The following EFNA5 variants were observed in gnomAD, a reference collection of about 807,000 sequenced individuals.
EFNA5 encodes ephrin-A5.
Under a neutral mutation model 22.9 loss-of-function variants are expected in EFNA5, and 5 were observed. The ratio of observed to expected loss-of-function variants is 0.22; its 90% confidence interval spans 0.11 to 0.46. The LOEUF (loss-of-function observed/expected upper bound fraction) is 0.46. Among genes scored for constraint, EFNA5 ranks in the 20% least tolerant of loss-of-function variants. The pLI, the probability that EFNA5 is intolerant of heterozygous loss-of-function variation, is 0.99. For synonymous variants in EFNA5, 113 were observed against 112.2 expected (o/e 1.01, Z -0.04); for missense variants, 237 against 293.3 (o/e 0.81, Z 1.40).
chr5:107,631,450 T>G (rs549213228), intron 1 of EFNA5, among the ~76,000 whole-genome samples: 38 of 152,084 alleles, frequency 2.5e-4, no homozygotes, highest in Non-Finnish European at 4.6e-4. Context: ...AAATTTTGCC[T>G]ATGGTAAAAC....
intron 1 of EFNA5, among the ~76,000 whole-genome samples, chr5:107,560,819 G>T (rs368160958): frequency 6.6e-6 from 1 of 152,198 alleles, no homozygotes. Flanking sequence ...ATGGAGTGAG[G>T]CTCCCTGAGA....
At chr5:107,617,965 C>T (rs1231816808) in intron 1 of EFNA5, among the ~76,000 whole-genome samples, 2 of 151,924 alleles carry the variant, frequency 1.3e-5, no homozygotes, top group African/African-American at 2.4e-5. Flanking sequence ...GCACAGGAGA[C>T]CATCCTGGAC....
At chr5:107,424,924 T>C (rs916847683) in intron 2 of EFNA5, among the ~76,000 whole-genome samples, 2 of 152,138 alleles carry the variant, frequency 1.3e-5, no homozygotes, top group African/African-American at 4.8e-5. Flanking sequence ...AAAATTCAAT[T>C]TAACTGAACA....
chr5:107,400,800 T>G (rs907390267), intron 2 of EFNA5, among the ~76,000 whole-genome samples: 1 of 152,210 alleles, frequency 6.6e-6, no homozygotes, highest in Middle Eastern at 3.2e-3. Context: ...TGTTTTTCAC[T>G]CTCTGTGAAT....
At chr5:107,547,545 A>C (rs1748191339) in intron 1 of EFNA5, among the ~76,000 whole-genome samples, 1 of 151,698 alleles carries the variant, frequency 6.6e-6, no homozygotes, top group African/African-American at 2.4e-5. Flanking sequence ...AAAAAAATAC[A>C]AGCCTACTTC....
Position 107,380,872 on chromosome 5 carries a change from A to T in EFNA5, c.*383T>A. 1 of 409,070 alleles carries T rather than the reference A, an allele frequency of 2.4e-6. No individual in the cohort carries two copies. Among genetic ancestry groups the T allele is most frequent in the Non-Finnish European group, 4.3e-6 (1 of 231,648 alleles). The allele number at this position is 409,070 out of a possible 1,614,324, so 25.3% of individuals were successfully genotyped here. ...CTAGCCAGCGCTGGCTGCATCTGCC[A>T]CTATTCTTCCTTGTCCATAGCCCGC... On this transcript the variant is annotated 3_prime_UTR_variant, in exon 5 of 5. Coordinates refer to ENST00000333274, the MANE Select transcript of EFNA5 (RefSeq NM_001962.3).
At chr5:107,509,590 C>A (rs1747323392) in intron 1 of EFNA5, among the ~76,000 whole-genome samples, 1 of 151,674 alleles carries the variant, frequency 6.6e-6, no homozygotes, top group Admixed American at 6.6e-5. Context: ...CTTGGCCTCC[C>A]AAAGTGCTGG....
In EFNA5 at chr5:107,591,421, C is replaced by T. The variant is rs142453080; in HGVS notation, c.125+79068G>A. ...CAGTCCCCACCTCTCCCTATTCTTT[C>T]CACAGCATCCTATTTTCTTCCTTTG... On this transcript the variant is annotated intron_variant, in intron 1 of 4. Transcript: ENST00000333274. 2.3e-3 allele frequency among the ~76,000 whole-genome samples: 357 copies of T among 152,230 alleles called. 2 individuals carry two copies. Among genetic ancestry groups the T allele is most frequent in the African/African-American group, 8.2e-3 (342 of 41,562 alleles).
chr5:107,525,270 G>A (rs1273469131), intron 1 of EFNA5, among the ~76,000 whole-genome samples: 1 of 152,172 alleles, frequency 6.6e-6, no homozygotes, highest in Non-Finnish European at 1.5e-5. Flanking sequence ...TTGGCACACA[G>A]TGTATATAGA....
chr5:107,420,517 G>C (rs1400664317), intron 2 of EFNA5, among the ~76,000 whole-genome samples: 4 of 105,740 alleles, frequency 3.8e-5, no homozygotes, highest in African/African-American at 1.1e-4. Context: ...CAGAGTCTGT[G>C]CTTTTAAAAA....
rs1206201010 is a variant in EFNA5 at position 107,573,676 on chromosome 5, G to A, written c.125+96813C>T. Reference sequence around the variant, plus strand: ...TTGCACTATGGATGTCTATCCCAGGGAATAACATGATTACGTGGGTTTCCA... The same window carrying A: ...TTGCACTATGGATGTCTATCCCAGGAAATAACATGATTACGTGGGTTTCCA... On this transcript the variant is annotated intron_variant, in intron 1 of 4. Transcript: ENST00000333274. 2.6e-5 allele frequency among the ~76,000 whole-genome samples: 4 copies of A among 152,212 alleles called. No homozygotes were observed. In the East Asian group the frequency reaches 5.8e-4, roughly 22 times the overall value.
intron 1 of EFNA5, among the ~76,000 whole-genome samples, chr5:107,623,313 C>A (rs1750078207): frequency 6.6e-6 from 1 of 152,046 alleles, no homozygotes; most frequent in Non-Finnish European, 1.5e-5. Flanking sequence ...TGTTTTCATG[C>A]AAATTTATCT....
intron 1 of EFNA5, among the ~76,000 whole-genome samples, chr5:107,648,412 T>C (rs1371188793): frequency 6.6e-6 from 1 of 152,198 alleles, no homozygotes; most frequent in Non-Finnish European, 1.5e-5. Context: ...TTAAAAATTC[T>C]TATTCTACTT....
At chr5:107,568,256 G>C (rs185487757) in intron 1 of EFNA5, among the ~76,000 whole-genome samples, 1 of 152,022 alleles carries the variant, frequency 6.6e-6, no homozygotes, top group African/African-American at 2.4e-5. Context: ...TATATACCCC[G>C]TAGCTATCAA....
At chr5:107,596,786 A>G (rs1014729437) in intron 1 of EFNA5, among the ~76,000 whole-genome samples, 13 of 151,726 alleles carry the variant, frequency 8.6e-5, no homozygotes, top group Admixed American at 5.9e-4. Context: ...AGACATGAGG[A>G]AAAAAAAATA....
chr5:107,472,509 C>G (rs939501400), intron 1 of EFNA5, among the ~76,000 whole-genome samples: 2 of 152,228 alleles, frequency 1.3e-5, no homozygotes, highest in African/African-American at 4.8e-5. Context: ...ACACTCCTGG[C>G]TGCAAATTAG....
intron 1 of EFNA5, among the ~76,000 whole-genome samples, chr5:107,557,984 C>A (rs1385012844): frequency 2.0e-5 from 3 of 151,948 alleles, no homozygotes; most frequent in Non-Finnish European, 4.4e-5. Flanking sequence ...TCTACCCCCA[C>A]GGTATAGGTG....
At chr5:107,580,736 A>G (rs1292963731) in intron 1 of EFNA5, among the ~76,000 whole-genome samples, 92 of 147,566 alleles carry the variant, frequency 6.2e-4, no homozygotes, top group African/African-American at 1.5e-3. Flanking sequence ...AAAAAAAAAA[A>G]AAAAGAAAAG....
chr5:107,649,924 C>T (rs1750696166), intron 1 of EFNA5, among the ~76,000 whole-genome samples: 1 of 152,068 alleles, frequency 6.6e-6, no homozygotes, highest in South Asian at 2.1e-4. Context: ...AGGACCACAG[C>T]AAGTAGTCAG....
Sources: allele counts gnomAD v4.1 joint callset (sites outside exome capture counted in the v4.1 genomes callset), GRCh38; gene constraint gnomAD v4.1.1; transcripts MANE v1.5; gene names NCBI Gene and HGNC (gene_info 2026-07-23, HGNC 2026-07-21).